Variants in IGSF10 observed in about 807,000 individuals in gnomAD.
The protein encoded by IGSF10 is calvaria mechanical force protein 608.
Under a neutral mutation model 128.2 loss-of-function variants are expected in IGSF10, and 126 were observed. That is an observed-to-expected ratio of 0.98 (90% confidence interval 0.85 to 1.14). The LOEUF is 1.14. IGSF10 is among the 50% of genes most tolerant of loss of function. The pLI is 0.00. For missense variants in IGSF10, 3,295 were observed against 3,149.8 expected, an observed-to-expected ratio of 1.05 and a Z score of -1.10; for synonymous variants, 1,185 against 1,146.2, an observed-to-expected ratio of 1.03 and a Z score of -0.68.
chr3:151,603,157 C>T, the IGSF10 span, among the ~76,000 whole-genome samples: 1 of 152,186 alleles, frequency 6.6e-6, no homozygotes, highest in African/African-American at 2.4e-5. Context: ...TTTCTCCTTA[C>T]CATTTACTTA....
downstream of IGSF10, chr3:151,433,713 C>T (rs1251922661): frequency 6.6e-6 from 1 of 152,640 alleles, no homozygotes; most frequent in Non-Finnish European, 1.5e-5. Flanking sequence ...AGTGCTCACA[C>T]TTGACATGGT....
chr3:151,554,796 A>C, the IGSF10 span, among the ~76,000 whole-genome samples: 2 of 152,190 alleles, frequency 1.3e-5, no homozygotes, highest in Non-Finnish European at 2.9e-5. Context: ...CTGGAGTTTC[A>C]GTGAAATATT....
the IGSF10 span, among the ~76,000 whole-genome samples, chr3:151,609,470 T>G: frequency 4.7e-4 from 71 of 152,220 alleles, no homozygotes; most frequent in African/African-American, 1.7e-3. Context: ...AGCTGCCTTT[T>G]GACTTAGCAT....
At chr3:151,582,296 G>T in the IGSF10 span, among the ~76,000 whole-genome samples, 5 of 112,390 alleles carry the variant, frequency 4.4e-5, 1 homozygote, top group African/African-American at 1.4e-4. Context: ...AATATCCGGG[G>T]GGGGGGGCGG....
the IGSF10 span, among the ~76,000 whole-genome samples, chr3:151,472,087 G>GA: frequency 2.6e-5 from 4 of 152,018 alleles, no homozygotes; most frequent in African/African-American, 9.7e-5. Context: ...ATCCAATTAT[G>GA]AAAAAAATAC....
chr3:151,613,473 AGAGAT>A, the IGSF10 span, among the ~76,000 whole-genome samples: 58 of 152,328 alleles, frequency 3.8e-4, no homozygotes, highest in African/African-American at 1.4e-3. Context: ...GTACCAAAAC[AGAGAT>A]ATAGACCAAT....
At chr3:151,600,211 T>C in the IGSF10 span, among the ~76,000 whole-genome samples, 1 of 152,202 alleles carries the variant, frequency 6.6e-6, no homozygotes, top group African/African-American at 2.4e-5. Context: ...AATTTCTTAC[T>C]CTTTCATTTT....
Position 151,445,800 on chromosome 3 carries a change from G to A in IGSF10, c.4181C>T (p.Thr1394Ile). 1 of 1,614,236 alleles carries A rather than the reference G, an allele frequency of 6.2e-7. No individual in the cohort carries two copies. Among genetic ancestry groups the A allele is most frequent in the Non-Finnish European group, 8.5e-7 (1 of 1,180,050 alleles). ...TSVKPSVSAF[T>I]HSPPENTTGI... The stretch of plus-strand genomic sequence containing the variant: ...AGTTGTGTTTTCTGGTGGGGAATGA[G>A]TGAATGCAGAGACACTGGGCTTGAC... Residue 1394 changes from threonine to isoleucine, a missense_variant, in exon 6 of 8, where the codon ACT becomes ATT. Thr to Ile is a moderately conservative substitution (Grantham distance 89, BLOSUM62 -1). Coordinates refer to ENST00000282466, the MANE Select transcript of IGSF10 (RefSeq NM_178822.5).
chr3:151,451,270 A>AC (rs1027762770), intron 5 of IGSF10, among the ~76,000 whole-genome samples: 1 of 151,206 alleles, frequency 6.6e-6, no homozygotes, highest in African/African-American at 2.4e-5. Context: ...CCAAGTACTT[A>AC]CCAATCATCC....
the IGSF10 span, among the ~76,000 whole-genome samples, chr3:151,574,790 A>G: frequency 6.6e-6 from 1 of 152,134 alleles, no homozygotes; most frequent in African/African-American, 2.4e-5. Context: ...CCTTTGGAGG[A>G]GAAAAGGTGC....
chr3:151,444,513 T>G (rs1426450379), intron 6 of IGSF10, among the ~76,000 whole-genome samples: 1 of 152,126 alleles, frequency 6.6e-6, no homozygotes, highest in Non-Finnish European at 1.5e-5. Flanking sequence ...TTTCACCATG[T>G]TGGCCAGGCT....
the IGSF10 span, among the ~76,000 whole-genome samples, chr3:151,512,753 T>C: frequency 6.6e-6 from 1 of 152,032 alleles, no homozygotes; most frequent in Admixed American, 6.6e-5. Flanking sequence ...AAGAATCAAA[T>C]AGACGCAATA....
At chr3:151,596,503 G>T in the IGSF10 span, among the ~76,000 whole-genome samples, 29 of 152,004 alleles carry the variant, frequency 1.9e-4, no homozygotes, top group African/African-American at 6.8e-4. Context: ...TGTGTATTGT[G>T]TATGTGTTTT....
At chr3:151,526,324 ATTGT>A in the IGSF10 span, among the ~76,000 whole-genome samples, 1 of 148,344 alleles carries the variant, frequency 6.7e-6, no homozygotes, top group Non-Finnish European at 1.5e-5. Context: ...ATTTTTCTTG[ATTGT>A]TTTTTTTTTC....
the IGSF10 span, among the ~76,000 whole-genome samples, chr3:151,609,272 T>C: frequency 2.0e-5 from 3 of 152,062 alleles, no homozygotes; most frequent in African/African-American, 4.8e-5. Flanking sequence ...ATGAGTGAGG[T>C]TGGAGAATGG....
At chr3:151,573,557 T>A in the IGSF10 span, among the ~76,000 whole-genome samples, 1 of 151,738 alleles carries the variant, frequency 6.6e-6, no homozygotes, top group Non-Finnish European at 1.5e-5. Flanking sequence ...CAACCTCTGC[T>A]TTTTTTTGAT....
chr3:151,586,616 T>A, the IGSF10 span, among the ~76,000 whole-genome samples: 1 of 152,158 alleles, frequency 6.6e-6, no homozygotes, highest in Non-Finnish European at 1.5e-5. Context: ...TTCTTCAGAG[T>A]ATTCTTTATC....
At chr3:151,599,863 G>T in the IGSF10 span, among the ~76,000 whole-genome samples, 231 of 152,204 alleles carry the variant, frequency 1.5e-3, no homozygotes, top group Admixed American at 2.7e-3. Flanking sequence ...CCCACCTCTG[G>T]TCTAAATGAA....
the IGSF10 span, among the ~76,000 whole-genome samples, chr3:151,510,251 C>G: frequency 2.6e-5 from 4 of 152,194 alleles, no homozygotes; most frequent in Non-Finnish European, 4.4e-5. Flanking sequence ...ACACCTCACA[C>G]GGCCGGGTAC....
Sources: allele counts gnomAD v4.1 joint callset (sites outside exome capture counted in the v4.1 genomes callset), GRCh38; gene constraint gnomAD v4.1.1; transcripts MANE v1.5; gene names NCBI Gene and HGNC (gene_info 2026-07-23, HGNC 2026-07-21).